Variants in PDCD2L observed in about 807,000 individuals in gnomAD.
PDCD2L encodes the protein programmed cell death 2 like.
A neutral mutation model predicts 40.4 loss-of-function variants in PDCD2L; 44 were observed. The observed-to-expected ratio is 1.09, with a 90% CI of 0.86 to 1.40. The LOEUF (loss-of-function observed/expected upper bound fraction) is 1.40, where lower values mean the gene tolerates loss of function less well. PDCD2L is among the 40% of genes most tolerant of loss of function. The pLI is 0.00. For missense variants in PDCD2L, 470 were observed against 453.7 expected (o/e 1.04, Z -0.33); for synonymous variants, 194 against 174.6 (o/e 1.11, Z -0.88).
intron 3 of PDCD2L, among the ~76,000 whole-genome samples, chr19:34,408,162 C>G (rs1161924597): frequency 6.6e-6 from 1 of 152,134 alleles, no homozygotes; most frequent in Non-Finnish European, 1.5e-5. Flanking sequence ...CCCACCTCAA[C>G]CTCCCAAAAT....
intron 5 of PDCD2L, among the ~76,000 whole-genome samples, chr19:34,418,055 A>G (rs528034590): frequency 1.3e-5 from 2 of 152,318 alleles, no homozygotes; most frequent in Admixed American, 1.3e-4. Flanking sequence ...GCATCTTTCC[A>G]TATACTCATT....
At chr19:34,423,933 A>G (rs577338206) in intron 6 of PDCD2L, among the ~76,000 whole-genome samples, 18 of 152,276 alleles carry the variant, frequency 1.2e-4, no homozygotes, top group South Asian at 2.1e-4. Context: ...CTCAAGTAAT[A>G]GCTTTAAGGA....
Position 34,426,016 on chromosome 19 carries a change from C to T in PDCD2L, c.973C>T (p.Leu325=), listed in dbSNP as rs1206820706. The T allele has an allele frequency of 6.2e-7, 1 of 1,612,934 alleles. No homozygotes were observed. Among genetic ancestry groups the T allele is most frequent in the Admixed American group, 1.7e-5 (1 of 59,864 alleles). ...LGLSVEFGTI[L]VYTCEKSCWP... is the part of the protein sequence containing the mutation. ...TCTTTCTGTGGAATTTGGAACAATTCTAGTTTACACATGTGAGAAGAGTTG... is the reference window on the plus strand; with the variant it reads ...TCTTTCTGTGGAATTTGGAACAATTTTAGTTTACACATGTGAGAAGAGTTG... Residue 325 remains leucine (L), a synonymous_variant, in exon 7 of 7, where the codon CTA becomes TTA. Transcript: ENST00000246535.
chr19:34,423,468 G>A (rs2075162022), intron 6 of PDCD2L, among the ~76,000 whole-genome samples: 1 of 149,410 alleles, frequency 6.7e-6, no homozygotes, highest in Non-Finnish European at 1.5e-5. Flanking sequence ...ATAGGCATGA[G>A]CCACCGTGCC....
At chr19:34,406,157 A>C (rs2075074343) in intron 3 of PDCD2L, among the ~76,000 whole-genome samples, 1 of 152,186 alleles carries the variant, frequency 6.6e-6, no homozygotes, top group South Asian at 2.1e-4. Context: ...AAAAAAACAA[A>C]AGGGAGATGG....
intron 5 of PDCD2L, among the ~76,000 whole-genome samples, chr19:34,420,870 C>T (rs185233349): frequency 4.6e-5 from 7 of 151,432 alleles, no homozygotes; most frequent in Non-Finnish European, 1.0e-4. Context: ...TTTTTGGCAT[C>T]AGGGACTGGT....
intron 3 of PDCD2L, 109 bp downstream of exon 3, chr19:34,405,099 GT>G (rs1483478260): frequency 2.8e-6 from 2 of 704,842 alleles, no homozygotes; most frequent in Non-Finnish European, 4.1e-6. Context: ...ACACTGGAGT[GT>G]TTTTTGCTTT....
Position 34,421,522 on chromosome 19 carries a change from T to C in PDCD2L, c.801T>C (p.Tyr267=), listed in dbSNP as rs985875482. 2.5e-5 allele frequency: 40 copies of C among 1,613,872 alleles called. No homozygotes were observed. Among genetic ancestry groups the C allele is most frequent in the Non-Finnish European group, 3.2e-5 (38 of 1,179,970 alleles). ...GTTCTTTGTTTCCTTGTCCTAGGTA[T>C]TCCTGGAGTGGAGAGCCACTCTTTT... ...IAACQEQILR[Y]SWSGEPLFLT... Residue 267 remains tyrosine (Y), a synonymous_variant, in exon 6 of 7, where the codon TAT becomes TAC. Coordinates refer to ENST00000246535, the MANE Select transcript of PDCD2L (RefSeq NM_032346.2).
intron 1 of PDCD2L, 44 bp downstream of exon 1, chr19:34,404,582 GGGT>G (rs1182604144): frequency 1.0e-5 from 16 of 1,582,420 alleles, no homozygotes; most frequent in Non-Finnish European, 1.4e-5. Flanking sequence ...TGCTGCTGAA[GGGT>G]GCGGAGGGAG....
chr19:34,404,784 T>A lies in PDCD2L; in HGVS notation c.244T>A (p.Cys82Ser). The change falls in exon 2 of 7, where the codon TGC becomes AGC. Residue 82 changes from cysteine (C) to serine (S), a missense_variant. Physicochemically the swap from Cys to Ser is moderately radical, Grantham distance 112 (BLOSUM62 -1). Transcript: ENST00000246535. ...TCTGCTGCACGTGTTCGCGTGCGCC[T>A]GCCCCGGCTGTAGCACCGGCGGTGC... The part of the protein sequence containing the change: ...HRLLHVFACA[C>S]PGCSTGGARS... 2 of 1,605,994 alleles carry A rather than the reference T, an allele frequency of 1.2e-6. No homozygotes were observed. The highest frequency in any genetic ancestry group is 1.7e-6 in the Non-Finnish European group (2 of 1,177,582).
At chr19:34,420,307 T>G (rs1214676368) in intron 5 of PDCD2L, among the ~76,000 whole-genome samples, 1 of 147,378 alleles carries the variant, frequency 6.8e-6, no homozygotes, top group African/African-American at 2.5e-5. Flanking sequence ...GTCCACTAGG[T>G]TTTTTTTTTG....
chr19:34,425,518 A>C (rs932123788), intron 6 of PDCD2L, among the ~76,000 whole-genome samples: 2 of 150,610 alleles, frequency 1.3e-5, no homozygotes, highest in African/African-American at 4.9e-5. Flanking sequence ...GCTATATGAG[A>C]TATATATATA....
chr19:34,421,706 G>A, intron 6 of PDCD2L, 39 bp downstream of exon 6: 1 of 1,532,180 alleles, frequency 6.5e-7, no homozygotes, highest in Non-Finnish European at 8.8e-7. Flanking sequence ...GTGGATTTCT[G>A]GCATTATTTT....
At position 34,426,086 on chromosome 19, in the gene PDCD2L, T is replaced by C. The variant is rs1371681794; in HGVS notation, c.1043T>C (p.Ile348Thr). The stretch of plus-strand genomic sequence containing the variant: ...ACTCCCATGGAAGAATTTTGTATTA[T>C]ACAAGAAGACCCAGATGAATTATTG... The part of the protein sequence containing the change: ...HQTPMEEFCI[I>T]QEDPDELLFK The change falls in exon 7 of 7, where the codon ATA (isoleucine) becomes ACA (threonine). Residue 348 changes from isoleucine (I) to threonine (T), a missense_variant. Ile to Thr is a moderately conservative substitution (Grantham distance 89). Coordinates refer to ENST00000246535, the MANE Select transcript of PDCD2L (RefSeq NM_032346.2). The C allele has an allele frequency of 1.3e-6, 2 of 1,593,448 alleles. No individual in the cohort carries two copies. The highest frequency in any genetic ancestry group is 1.7e-6 in the Non-Finnish European group (2 of 1,161,438).
chr19:34,405,855 G>A (rs1250657554), intron 3 of PDCD2L, among the ~76,000 whole-genome samples: 1 of 152,028 alleles, frequency 6.6e-6, no homozygotes, highest in Non-Finnish European at 1.5e-5. Flanking sequence ...GCAGTGAGCT[G>A]AGATCATGCC....
chr19:34,423,849 T>A (rs887650956), intron 6 of PDCD2L, among the ~76,000 whole-genome samples: 3 of 152,162 alleles, frequency 2.0e-5, no homozygotes, highest in African/African-American at 7.2e-5. Context: ...ATGGATTCAG[T>A]GTTTATCACC....
At chr19:34,410,708 T>G (rs1023924547) in intron 4 of PDCD2L, among the ~76,000 whole-genome samples, 2 of 152,010 alleles carry the variant, frequency 1.3e-5, no homozygotes, top group African/African-American at 2.4e-5. Flanking sequence ...TGAAGACATG[T>G]TGGTGTTTGA....
At position 34,404,652 on chromosome 19, in the gene PDCD2L, G is replaced by T. The variant is rs752030844; in HGVS notation, c.112G>T (p.Ala38Ser). 46 of 1,610,522 alleles carry T rather than the reference G, an allele frequency of 2.9e-5. No homozygotes were observed. The highest frequency in any genetic ancestry group is 3.6e-5 in the Non-Finnish European group (42 of 1,179,546). Reference protein sequence around the residue: ...TASKLGGIPDALPTVAAPRPV... With the variant: ...TASKLGGIPDSLPTVAAPRPV... ...AGCGCCTCCTCTGTCCCCTCAGGAT[G>T]CTCTGCCCACCGTGGCTGCGCCCAG... The change falls in exon 2 of 7, where the codon GCT becomes TCT. Residue 38 changes from alanine (A) to serine (S), a missense_variant. Physicochemically the swap from Ala to Ser is moderately conservative, Grantham distance 99. Transcript: ENST00000246535.
chr19:34,425,806 C>T (rs542448426), intron 6 of PDCD2L, among the ~76,000 whole-genome samples, 184 bp from the exon 7 acceptor site: 1 of 152,160 alleles, frequency 6.6e-6, no homozygotes, highest in East Asian at 1.9e-4. Context: ...ATTAATTTTG[C>T]TTTTTTGTTA....
Sources: gnomAD v4.1 joint callset for allele counts (sites outside exome capture counted in the v4.1 genomes callset) on GRCh38, gnomAD v4.1.1 for gene constraint, MANE v1.5 for transcripts, NCBI Gene and HGNC (gene_info 2026-07-23, HGNC 2026-07-21) for gene names.